EFL1: variants seen among roughly 807,000 people sequenced by gnomAD.
The protein encoded by EFL1 is elongation factor like GTPase 1, also known as elongation factor-like GTPase 1.
In EFL1, 76 loss-of-function variants were observed where a neutral mutation model predicts 126.7. That is an observed-to-expected ratio of 0.60 (90% CI 0.50 to 0.73). The LOEUF is 0.73. Among genes scored for constraint, EFL1 ranks in the 30% least tolerant of loss-of-function variants. The pLI, the probability that EFL1 is intolerant of heterozygous loss-of-function variation, is 0.00. For synonymous variants in EFL1, 410 were observed against 448.4 expected, an observed-to-expected ratio of 0.91 and a Z score of 1.08; for missense variants, 1,128 against 1,343.2, an observed-to-expected ratio of 0.84 and a Z score of 2.50.
intron 15 of EFL1, among the ~76,000 whole-genome samples, chr15:82,171,670 A>G: frequency 6.6e-6 from 1 of 152,176 alleles, no homozygotes; most frequent in African/African-American, 2.4e-5. Flanking sequence ...ACTTCAAAAC[A>G]AAAGATACCA....
chr15:82,236,303 A>G (rs766087653), intron 7 of EFL1, among the ~76,000 whole-genome samples: 6 of 152,244 alleles, frequency 3.9e-5, no homozygotes, highest in Non-Finnish European at 7.3e-5. Flanking sequence ...GTTTTTGCAG[A>G]TATAGGTAAG....
At chr15:82,239,635 T>C (rs1188497542) in intron 6 of EFL1, among the ~76,000 whole-genome samples, 2 of 152,208 alleles carry the variant, frequency 1.3e-5, no homozygotes, top group Non-Finnish European at 2.9e-5. Flanking sequence ...ATATCCTTTT[T>C]CCCATCTCTT....
chr15:82,222,842 T>C lies in EFL1; in HGVS notation c.1292+2323A>G, dbSNP rs775877873. On this transcript the variant is annotated intron_variant, in intron 12 of 19. Transcript: ENST00000268206. ...TGGATGTTACTTCTTGAAGGGGCAA[T>C]AGTTACTAATACTGAGATGAAGGAG... Among the ~76,000 whole-genome samples the C allele has an allele frequency of 2.0e-5, 3 of 152,204 alleles. No individual in the cohort carries two copies. The East Asian group carries it at 5.8e-4, about 29-fold the overall frequency.
At chr15:82,207,896 T>C (rs973699638) in intron 15 of EFL1, among the ~76,000 whole-genome samples, 7 of 152,050 alleles carry the variant, frequency 4.6e-5, no homozygotes, top group African/African-American at 1.4e-4. Context: ...TAATTTTCTA[T>C]TTCCAGTAGA....
chr15:82,143,544 C>CTA (rs2073811227), intron 18 of EFL1, among the ~76,000 whole-genome samples: 1 of 152,190 alleles, frequency 6.6e-6, no homozygotes, highest in South Asian at 2.1e-4. Context: ...TGTCACAGAG[C>CTA]TATAAGACTG....
intron 17 of EFL1, 143 bp from the exon 18 acceptor site, chr15:82,152,566 CATTATATAACATTCAAAAA>C: frequency 1.4e-6 from 1 of 735,860 alleles, no homozygotes; most frequent in Non-Finnish European, 2.1e-6. Context: ...CTGCAATTTA[CATTATATAACATTCAAAAA>C]CTGCTTTCTT....
intron 15 of EFL1, among the ~76,000 whole-genome samples, chr15:82,203,626 C>G (rs924547145): frequency 4.6e-5 from 7 of 152,192 alleles, no homozygotes; most frequent in Non-Finnish European, 7.3e-5. Context: ...ACTCACTCCC[C>G]CTTGGCCTCC....
At chr15:82,136,824 A>C (rs1286522320) in intron 19 of EFL1, among the ~76,000 whole-genome samples, 1 of 152,220 alleles carries the variant, frequency 6.6e-6, no homozygotes, top group Non-Finnish European at 1.5e-5. Context: ...TTTTCTACAT[A>C]ATGAAATTCA....
chr15:82,219,905 T>C (rs541703112), intron 13 of EFL1, 87 bp from the exon 14 acceptor site: 1 of 1,502,694 alleles, frequency 6.7e-7, no homozygotes, highest in Non-Finnish European at 8.9e-7. Flanking sequence ...GTGAATATGA[T>C]ATCTTTCGTC....
chr15:82,226,493 T>G (rs2074765350), intron 11 of EFL1, among the ~76,000 whole-genome samples: 1 of 152,142 alleles, frequency 6.6e-6, no homozygotes, highest in South Asian at 2.1e-4. Context: ...CATAGATGAC[T>G]CCAAGGTTTT....
At chr15:82,146,374 A>G (rs1264151715) in intron 18 of EFL1, among the ~76,000 whole-genome samples, 2 of 152,206 alleles carry the variant, frequency 1.3e-5, no homozygotes, top group Non-Finnish European at 2.9e-5. Flanking sequence ...AGATCTCTAA[A>G]TATCCAGACA....
chr15:82,221,436 G>T (rs989504966), intron 12 of EFL1, among the ~76,000 whole-genome samples: 5 of 152,048 alleles, frequency 3.3e-5, no homozygotes, highest in Non-Finnish European at 7.4e-5. Context: ...TCTATTTCAC[G>T]TAAGCTAACC....
intron 7 of EFL1, among the ~76,000 whole-genome samples, chr15:82,237,449 C>T (rs1299948231): frequency 1.3e-5 from 2 of 152,170 alleles, no homozygotes; most frequent in Non-Finnish European, 2.9e-5. Context: ...CAAATTAAAA[C>T]CACAATATCA....
intron 15 of EFL1, among the ~76,000 whole-genome samples, chr15:82,190,990 T>C (rs2074353596): frequency 6.6e-6 from 1 of 152,120 alleles, no homozygotes; most frequent in Non-Finnish European, 1.5e-5. Context: ...TCCTTGATTT[T>C]TGTTTTTCCA....
intron 16 of EFL1, among the ~76,000 whole-genome samples, chr15:82,161,078 TG>T: frequency 6.6e-6 from 1 of 152,186 alleles, no homozygotes; most frequent in Admixed American, 6.5e-5. Context: ...GACCCCCACT[TG>T]GGAAATTAGA....
At chr15:82,156,162 G>A (rs2073964941) in intron 17 of EFL1, among the ~76,000 whole-genome samples, 2 of 152,114 alleles carry the variant, frequency 1.3e-5, no homozygotes, top group African/African-American at 4.8e-5. Context: ...AACACTTCAT[G>A]GTTTTGCCTT....
intron 4 of EFL1, among the ~76,000 whole-genome samples, chr15:82,248,605 G>C (rs2074994156): frequency 1.3e-5 from 2 of 152,084 alleles, no homozygotes; most frequent in African/African-American, 4.8e-5. Flanking sequence ...CTTTGCAGAA[G>C]ACTGCTATAT....
In EFL1 at chr15:82,200,948, T is replaced by C. The variant is rs140765824; in HGVS notation, c.1750+13769A>G. ...CCCAGGCCAGGGTGCAGTGGCACGA[T>C]CACAGCTCACTGTAGCTCCAACCTC... On this transcript the variant is annotated intron_variant, in intron 15 of 19. Coordinates refer to ENST00000268206, the MANE Select transcript of EFL1 (RefSeq NM_024580.6). Among the ~76,000 whole-genome samples, 1,235 of 152,326 alleles carry C rather than the reference T, an allele frequency of 8.1e-3. 3 individuals are homozygous for C. The highest frequency in any genetic ancestry group is 0.012 in the Non-Finnish European group (842 of 68,036).
intron 15 of EFL1, among the ~76,000 whole-genome samples, chr15:82,209,249 T>C (rs560196445): frequency 2.0e-5 from 3 of 151,894 alleles, no homozygotes; most frequent in Admixed American, 2.0e-4. Context: ...AATTTGCTAG[T>C]AAAACCCTTC....
Sources: allele counts gnomAD v4.1 joint callset (sites outside exome capture counted in the v4.1 genomes callset), GRCh38; gene constraint gnomAD v4.1.1; transcripts MANE v1.5; gene names NCBI Gene and HGNC (gene_info 2026-07-23, HGNC 2026-07-21).